The following ZFP1 variants were observed in gnomAD, a reference collection of about 807,000 sequenced individuals.
ZFP1 encodes the protein ZFP1 zinc finger protein, also known as zinc finger protein 1 homolog.
A neutral mutation model predicts 38.5 loss-of-function variants in ZFP1; 32 were observed. The observed-to-expected ratio is 0.83, with a 90% CI of 0.63 to 1.12. ZFP1 has a LOEUF of 1.12. Ranked by LOEUF, ZFP1 falls within the 50% of genes most tolerant of loss-of-function variation. The probability of loss-of-function intolerance (pLI) is 0.00; values close to 1 mark genes in which losing one functional copy is unlikely to be tolerated. For synonymous variants in ZFP1, 245 were observed against 168.8 expected (o/e 1.45, Z -3.50); for missense variants, 616 against 480.8 (o/e 1.28, Z -2.63).
the ZFP1 span, among the ~76,000 whole-genome samples, chr16:75,129,704 C>T: frequency 1.3e-5 from 2 of 152,196 alleles, no homozygotes; most frequent in Non-Finnish European, 2.9e-5. Context: ...ACAAACTGTG[C>T]TGTGATCACC....
At chr16:75,162,774 G>A (rs929170077) in intron 2 of ZFP1, among the ~76,000 whole-genome samples, 2 of 152,090 alleles carry the variant, frequency 1.3e-5, no homozygotes, top group Non-Finnish European at 2.9e-5. Flanking sequence ...TTGGATTTCT[G>A]TTTGTGTTAA....
Position 75,170,312 on chromosome 16 carries a change from T to G in ZFP1, c.1202T>G (p.Val401Gly). The G allele has an allele frequency of 6.3e-7, 1 of 1,589,398 alleles. No individual in the cohort carries two copies. Among genetic ancestry groups the G allele is most frequent in the Non-Finnish European group, 8.6e-7 (1 of 1,166,744 alleles). The stretch of plus-strand genomic sequence containing the variant: ...TCCCGACTCAGTGTCCATCAGAGAG[T>G]TCACATCGGGGAGAAACCCTGAAAC... ...RKSRLSVHQR[V>G]HIGEKP The change falls in exon 4 of 4, where the codon GTT becomes GGT. Residue 401 changes from valine (V) to glycine (G), a missense_variant. By Grantham distance (109) the Val-to-Gly change is moderately radical. Coordinates refer to ENST00000570010, the MANE Select transcript of ZFP1 (RefSeq NM_153688.4).
chr16:75,153,456 A>C (rs1040591916), intron 2 of ZFP1, among the ~76,000 whole-genome samples: 3 of 152,168 alleles, frequency 2.0e-5, no homozygotes, highest in Non-Finnish European at 2.9e-5. Flanking sequence ...ATTTGTACAT[A>C]ATTACACAAG....
intron 2 of ZFP1, among the ~76,000 whole-genome samples, chr16:75,157,571 A>T (rs566820433): frequency 3.5e-4 from 53 of 152,094 alleles, no homozygotes; most frequent in African/African-American, 1.3e-3. Flanking sequence ...TTTGATTGAT[A>T]GCTAGGTATG....
chr16:75,169,753 A>C lies in ZFP1; in HGVS notation c.643A>C (p.Asn215His), dbSNP rs369347189. The C allele has an allele frequency of 1.2e-6, 2 of 1,613,260 alleles. No homozygotes were observed. Among genetic ancestry groups the C allele is most frequent in the African/African-American group, 2.7e-5 (2 of 74,874 alleles). ...TACTGGAGAAAAGCCATATGAATGCAATGTATGTAAGAAAACCTTCTCCCA... is the reference window on the plus strand; with the variant it reads ...TACTGGAGAAAAGCCATATGAATGCCATGTATGTAAGAAAACCTTCTCCCA... ...IHTGEKPYEC[N>H]VCKKTFSHKA... The change falls in exon 4 of 4, where the codon AAT becomes CAT. Residue 215 changes from asparagine to histidine, a missense_variant. Coordinates refer to ENST00000570010, the MANE Select transcript of ZFP1 (RefSeq NM_153688.4).
the ZFP1 span, chr16:75,119,546 G>C: frequency 6.6e-6 from 1 of 152,130 alleles, no homozygotes; most frequent in Non-Finnish European, 1.5e-5. Context: ...CTTCTAGGAT[G>C]GTAGAGAGCA....
At chr16:75,140,851 C>T in the ZFP1 span, among the ~76,000 whole-genome samples, 4 of 151,952 alleles carry the variant, frequency 2.6e-5, no homozygotes, top group African/African-American at 9.7e-5. Flanking sequence ...CCCAGCTACT[C>T]GGAAGGCTGA....
At chr16:75,137,998 G>C in the ZFP1 span, among the ~76,000 whole-genome samples, 3 of 145,794 alleles carry the variant, frequency 2.1e-5, no homozygotes, top group African/African-American at 7.6e-5. Flanking sequence ...TCACCCTAAA[G>C]GCAGGGTGAC....
chr16:75,143,686 C>G (rs1206621059), upstream of ZFP1, among the ~76,000 whole-genome samples: 1 of 129,904 alleles, frequency 7.7e-6, no homozygotes, highest in Non-Finnish European at 1.6e-5. Context: ...TAGTCTCACT[C>G]TATTGCCCAG....
intron 2 of ZFP1, among the ~76,000 whole-genome samples, chr16:75,160,632 C>G (rs570439248): frequency 4.3e-5 from 6 of 139,636 alleles, no homozygotes; most frequent in African/African-American, 1.4e-4. Context: ...GCACTCCAAT[C>G]TGGGTGACAA....
At chr16:75,151,337 A>C in intron 1 of ZFP1, among the ~76,000 whole-genome samples, 1 of 152,136 alleles carries the variant, frequency 6.6e-6, no homozygotes, top group East Asian at 1.9e-4. Context: ...TGGTGTGTTT[A>C]TGCCAATTAT....
chr16:75,151,813 C>G (rs2037218533), intron 1 of ZFP1, among the ~76,000 whole-genome samples: 2 of 152,010 alleles, frequency 1.3e-5, no homozygotes, highest in Non-Finnish European at 2.9e-5. Flanking sequence ...AGGTTTTTGT[C>G]TGATATCATA....
the ZFP1 span, among the ~76,000 whole-genome samples, chr16:75,134,334 A>G: frequency 1.3e-5 from 2 of 152,290 alleles, no homozygotes; most frequent in Admixed American, 6.5e-5. Flanking sequence ...TAGTTTATTA[A>G]TTTTGTGAAA....
At chr16:75,129,082 G>A in the ZFP1 span, among the ~76,000 whole-genome samples, 4 of 152,274 alleles carry the variant, frequency 2.6e-5, no homozygotes, top group South Asian at 4.2e-4. Flanking sequence ...GAGCCACCGC[G>A]CCGGGCCAGC....
At chr16:75,145,185 A>G (rs1429046315), upstream of ZFP1, among the ~76,000 whole-genome samples, 1 of 152,190 alleles carries the variant, frequency 6.6e-6, no homozygotes, top group Non-Finnish European at 1.5e-5. Context: ...CTTTCTATGA[A>G]CCTGTTTGAG....
intron 2 of ZFP1, among the ~76,000 whole-genome samples, chr16:75,161,100 T>A (rs1386407353): frequency 2.0e-5 from 3 of 152,118 alleles, no homozygotes; most frequent in Non-Finnish European, 4.4e-5. Context: ...GGAGTCTTGC[T>A]CTTGTTGCCC....
chr16:75,119,522 A>G, the ZFP1 span: 3 of 152,098 alleles, frequency 2.0e-5, no homozygotes, highest in Non-Finnish European at 4.4e-5. Flanking sequence ...AGGGAAGATG[A>G]GGGTTTTTCC....
chr16:75,155,331 G>T (rs1261036057), intron 2 of ZFP1, among the ~76,000 whole-genome samples: 1 of 152,002 alleles, frequency 6.6e-6, no homozygotes, highest in Non-Finnish European at 1.5e-5. Flanking sequence ...ATGGAGTTTT[G>T]CCCTGTCGCT....
At chr16:75,161,429 A>T (rs1192401510) in intron 2 of ZFP1, among the ~76,000 whole-genome samples, 1 of 151,578 alleles carries the variant, frequency 6.6e-6, no homozygotes, top group African/African-American at 2.4e-5. Context: ...ATGATCGTAA[A>T]TGTGTGGCTC....
Sources: gnomAD v4.1 joint callset for allele counts (sites outside exome capture counted in the v4.1 genomes callset) on GRCh38, gnomAD v4.1.1 for gene constraint, MANE v1.5 for transcripts, NCBI Gene and HGNC (gene_info 2026-07-23, HGNC 2026-07-21) for gene names.